The following UBE2V1 variants were observed in gnomAD, a reference collection of about 807,000 sequenced individuals.
UBE2V1 encodes ubiquitin-conjugating enzyme E2 variant 1.
UBE2V1 carries 15 observed loss-of-function variants against 19.6 expected under a neutral mutation model. The ratio of observed to expected loss-of-function variants is 0.77; its 90% CI spans 0.51 to 1.18. The LOEUF (loss-of-function observed/expected upper bound fraction) is 1.18, where lower values mean the gene tolerates loss of function less well. UBE2V1 is among the 50% of genes most tolerant of loss of function. UBE2V1 has a pLI of 0.00. For synonymous variants in UBE2V1, 60 were observed against 60.7 expected, an observed-to-expected ratio of 0.99 and a Z score of 0.05; for missense variants, 125 against 184.8, an observed-to-expected ratio of 0.68 and a Z score of 1.88.
chr20:50,084,671 A>T (rs2078805253), intron 2 of UBE2V1: 1 of 394,630 alleles, frequency 2.5e-6, no homozygotes, highest in Non-Finnish European at 5.0e-6. Context: ...AGCACAGAAC[A>T]GGTCACTGCT....
chr20:50,091,191 C>T (rs979588719), intron 2 of UBE2V1, among the ~76,000 whole-genome samples: 7 of 152,058 alleles, frequency 4.6e-5, no homozygotes, highest in South Asian at 4.2e-4. Flanking sequence ...GGACTACAGG[C>T]GTGCATCACT....
intron 1 of UBE2V1, among the ~76,000 whole-genome samples, chr20:50,103,446 C>T (rs951800497): frequency 6.6e-6 from 1 of 152,172 alleles, no homozygotes; most frequent in Admixed American, 6.5e-5. Flanking sequence ...CACTCTGTTA[C>T]CCAGGCTGGA....
intron 1 of UBE2V1, among the ~76,000 whole-genome samples, chr20:50,104,152 C>T (rs1042534580): frequency 3.2e-4 from 48 of 147,986 alleles, no homozygotes; most frequent in African/African-American, 1.2e-3. Context: ...CGTGGTGGTG[C>T]GCGCCTGTAA....
intron 1 of UBE2V1, among the ~76,000 whole-genome samples, chr20:50,099,583 C>T (rs1347117560): frequency 6.6e-6 from 1 of 152,116 alleles, no homozygotes; most frequent in African/African-American, 2.4e-5. Flanking sequence ...TTCAACTGCA[C>T]CCCCACGCAA....
chr20:50,111,326 C>T, intron 1 of UBE2V1: 1 of 994,466 alleles, frequency 1.0e-6, no homozygotes, highest in Admixed American at 6.1e-5. Flanking sequence ...TAGAACCGGG[C>T]AGCTGTTAAC....
rs935583318 is a variant in UBE2V1, at chr20:50,081,938, A to C, written c.*830T>G. 1.6e-4 allele frequency: 40 copies of C among 249,284 alleles called. No homozygotes were observed. The highest frequency in any genetic ancestry group is 6.1e-4 in the African/African-American group (27 of 44,304). 15.4% of individuals were successfully genotyped at this position (249,284 alleles called of 1,614,324 possible). On this transcript the variant is annotated 3_prime_UTR_variant, in exon 4 of 4. Coordinates refer to ENST00000371674, the MANE Select transcript of UBE2V1 (RefSeq NM_001032288.3). ...TGGAGAGTGAGTGAGTATGGTTCCA[A>C]AACTAAACAAGGGAGGTCAGAGGCT...
At chr20:50,105,917 C>T (rs1158926941) in intron 1 of UBE2V1, among the ~76,000 whole-genome samples, 1 of 151,384 alleles carries the variant, frequency 6.6e-6, no homozygotes, top group Non-Finnish European at 1.5e-5. Flanking sequence ...GCAACAGAGA[C>T]TCGTCAAAAA....
At chr20:50,111,172 T>C (rs2080728203) in intron 1 of UBE2V1, 1 of 884,506 alleles carries the variant, frequency 1.1e-6, no homozygotes, top group Non-Finnish European at 1.4e-6. Context: ...GGAAGTCCAT[T>C]TTAGGGCACC....
intron 1 of UBE2V1, among the ~76,000 whole-genome samples, chr20:50,110,646 A>T (rs141409464): frequency 1.3e-3 from 194 of 152,148 alleles, no homozygotes; most frequent in South Asian, 9.8e-3. Context: ...ATCTTATCAT[A>T]CTCCTCTTTT....
chr20:50,088,875 C>T (rs1235031737), intron 2 of UBE2V1, among the ~76,000 whole-genome samples: 3 of 150,008 alleles, frequency 2.0e-5, no homozygotes, highest in Non-Finnish European at 4.5e-5. Context: ...TCTAAACATA[C>T]AAAAAGGAAA....
chr20:50,096,385 T>C (rs2079623977), intron 2 of UBE2V1: 3 of 541,454 alleles, frequency 5.5e-6, no homozygotes, highest in Admixed American at 3.5e-5. Context: ...AGCCCAGAGA[T>C]TGTTCTGAAC....
At chr20:50,104,222 C>T (rs2080200801) in intron 1 of UBE2V1, among the ~76,000 whole-genome samples, 1 of 141,068 alleles carries the variant, frequency 7.1e-6, no homozygotes, top group South Asian at 2.2e-4. Flanking sequence ...GCGGAGGTTA[C>T]AGTGAGCCGA....
rs540506781 is a variant in UBE2V1, at chr20:50,088,183, G to A, written c.172-3929C>T. Among the ~76,000 whole-genome samples, 69 of 151,602 alleles carry A rather than the reference G, an allele frequency of 4.6e-4. No homozygotes were observed. The South Asian group carries it at 0.01, about 23-fold the overall frequency. On this transcript the variant is annotated intron_variant, in intron 2 of 3. Transcript: ENST00000371674. The stretch of plus-strand genomic sequence containing the variant: ...ACCAGTACTCCTCAAAACAGCCAAG[G>A]GCATCAAAAACAAGAAAAACCTGAG...
chr20:50,084,322 A>C, intron 2 of UBE2V1, 68 bp from the exon 3 acceptor site: 1 of 1,607,644 alleles, frequency 6.2e-7, no homozygotes, highest in South Asian at 1.1e-5. Context: ...AGAGCTTGTG[A>C]AACCCCATTT....
At chr20:50,083,202 C>T (rs540239220) in intron 3 of UBE2V1, among the ~76,000 whole-genome samples, 16 of 152,326 alleles carry the variant, frequency 1.1e-4, no homozygotes, top group African/African-American at 3.6e-4. Flanking sequence ...CAATAATGGC[C>T]GCTGCTGGGC....
chr20:50,102,689 G>A (rs563525530), intron 1 of UBE2V1, among the ~76,000 whole-genome samples: 1 of 152,250 alleles, frequency 6.6e-6, no homozygotes, highest in South Asian at 2.1e-4. Flanking sequence ...ACCGTGCTCG[G>A]CCGACGATCC....
At chr20:50,088,514 G>A (rs2079048087) in intron 2 of UBE2V1, among the ~76,000 whole-genome samples, 1 of 152,158 alleles carries the variant, frequency 6.6e-6, no homozygotes, top group South Asian at 2.1e-4. Context: ...GGCTAGGCAC[G>A]GTGGCCCACG....
Position 50,084,131 on chromosome 20 carries a change from C to T in UBE2V1, c.295G>A (p.Val99Met). 1 of 1,581,738 alleles carries T rather than the reference C, an allele frequency of 6.3e-7. No homozygotes were observed. Among genetic ancestry groups the T allele is most frequent in the East Asian group, 2.2e-5 (1 of 44,756 alleles). ...GTGGGACAGAGAAAACAACTTACCA[C>T]TCCATTAGAACTATTTACTCCATTC... is the stretch of plus-strand genomic sequence containing the variant. ...NMNGVNSSNGVVDPRAISVLA... is the reference protein window; with the variant it reads ...NMNGVNSSNGMVDPRAISVLA... The change falls in exon 3 of 4, where the codon GTG becomes ATG. Residue 99 changes from valine (V) to methionine (M), a missense_variant and splice_region_variant. Around this residue, in one of 3 missense-constraint regions of UBE2V1, gnomAD observed 78 missense variants for 108.8 expected, o/e 0.72. Coordinates refer to ENST00000371674, the MANE Select transcript of UBE2V1 (RefSeq NM_001032288.3).
intron 1 of UBE2V1, among the ~76,000 whole-genome samples, chr20:50,103,197 A>C (rs904640075): frequency 6.6e-6 from 1 of 152,216 alleles, no homozygotes; most frequent in African/African-American, 2.4e-5. Context: ...TGCCCTCTAG[A>C]GTAAGCACCC....
Sources: gnomAD v4.1 joint callset for allele counts (sites outside exome capture counted in the v4.1 genomes callset) on GRCh38, gnomAD v4.1.1 for gene constraint, gnomAD v4.1.1 regional missense constraint, MANE v1.5 for transcripts, NCBI Gene and HGNC (gene_info 2026-07-23, HGNC 2026-07-21) for gene names.